The following ZKSCAN4 variants were observed in gnomAD, a reference collection of about 807,000 sequenced individuals.
The protein encoded by ZKSCAN4 is zinc finger with KRAB and SCAN domains 4.
A neutral mutation model predicts 30.8 loss-of-function variants in ZKSCAN4; 23 were observed. That is an observed-to-expected ratio of 0.75 (90% CI 0.54 to 1.06). ZKSCAN4 has a LOEUF of 1.06. ZKSCAN4 is among the 50% of genes least tolerant of loss of function. ZKSCAN4 has a pLI of 0.00. For missense variants in ZKSCAN4, 556 were observed against 665.4 expected, an observed-to-expected ratio of 0.84 and a Z score of 1.81; for synonymous variants, 208 against 252.5, an observed-to-expected ratio of 0.82 and a Z score of 1.67.
At chr6:28,255,840 G>A (rs1275224334), upstream of ZKSCAN4, among the ~76,000 whole-genome samples, 1 of 152,052 alleles carries the variant, frequency 6.6e-6, no homozygotes, top group Non-Finnish European at 1.5e-5. Flanking sequence ...AGTTGGATAA[G>A]GGAAAGGGGT....
At position 28,248,128 on chromosome 6, in the gene ZKSCAN4, G is replaced by T; in HGVS notation, c.593C>A (p.Ala198Asp). ...ATCTTCTCTGCAGCACCCTCCCTGG[G>T]CAAGCCCAGGAACCTGGAGAACTAA... is the stretch of plus-strand genomic sequence containing the variant. ...HDRVLQVPGLAQGGCCREDAM... is the reference protein window; with the variant it reads ...HDRVLQVPGLDQGGCCREDAM... The change falls in exon 3 of 5, where the codon GCC becomes GAC. Residue 198 changes from alanine (A) to aspartate (D), a missense_variant. Coordinates refer to ENST00000377294, the MANE Select transcript of ZKSCAN4 (RefSeq NM_019110.5). 1 of 1,613,512 alleles carries T rather than the reference G, an allele frequency of 6.2e-7. No individual in the cohort carries two copies. The highest frequency in any genetic ancestry group is 8.5e-7 in the Non-Finnish European group (1 of 1,179,690).
Position 28,244,716 on chromosome 6 carries a change from T to C in ZKSCAN4, c.*400A>G, listed in dbSNP as rs1760626773. The C allele has an allele frequency of 1.1e-5, 3 of 265,012 alleles. 1 individual carries two copies. In the South Asian group the frequency reaches 1.4e-4, roughly 12 times the overall value. The allele number at this position is 265,012 out of a possible 1,614,324, so 16.4% of individuals were successfully genotyped here. ...GCACAAAGAAGAGTAAAAGACCTCA[T>C]GGATCTGACCAATTTGTGAAAGATT... On this transcript the variant is annotated 3_prime_UTR_variant, in exon 5 of 5. Transcript: ENST00000377294.
At chr6:28,257,430 A>T in the ZKSCAN4 span, among the ~76,000 whole-genome samples, 1 of 152,168 alleles carries the variant, frequency 6.6e-6, no homozygotes, top group South Asian at 2.1e-4. Context: ...CAAATAGCTA[A>T]TGCATGTGGG....
At position 28,246,949 on chromosome 6, in the gene ZKSCAN4, A is replaced by C; in HGVS notation, c.778+20T>G. 1 of 1,596,076 alleles carries C rather than the reference A, an allele frequency of 6.3e-7. No homozygotes were observed. The highest frequency in any genetic ancestry group is 1.1e-5 in the South Asian group (1 of 87,784). ...AAGAATGCCAAGAAATCTTAAGACAAATTAGTGTCTCAGTCTTACCAAGGG... is the reference window on the plus strand; with the variant it reads ...AAGAATGCCAAGAAATCTTAAGACACATTAGTGTCTCAGTCTTACCAAGGG... On this transcript the variant is annotated intron_variant, in intron 4 of 4. Coordinates refer to ENST00000377294, the MANE Select transcript of ZKSCAN4 (RefSeq NM_019110.5).
Position 28,243,951 on chromosome 6 carries a change from C to A in ZKSCAN4, c.*1165G>T, listed in dbSNP as rs1164557028. On this transcript the variant is annotated 3_prime_UTR_variant, in exon 5 of 5. Transcript: ENST00000377294. ...AATTGCTGGGATTACAGGTGTAAGCCATGGCACCCAGCCTGAACAGATACA... is the reference window on the plus strand; with the variant it reads ...AATTGCTGGGATTACAGGTGTAAGCAATGGCACCCAGCCTGAACAGATACA... Among the ~76,000 whole-genome samples the A allele has an allele frequency of 6.6e-6, 1 of 152,186 alleles. No individual in the cohort carries two copies. The highest frequency in any genetic ancestry group is 1.5e-5 in the Non-Finnish European group (1 of 68,038).
chr6:28,247,544 G>C (rs1760791987), intron 3 of ZKSCAN4, among the ~76,000 whole-genome samples: 1 of 152,246 alleles, frequency 6.6e-6, no homozygotes, highest in Non-Finnish European at 1.5e-5. Flanking sequence ...AGCAGGACAG[G>C]AAAGGCTGAG....
chr6:28,257,668 A>C, the ZKSCAN4 span, among the ~76,000 whole-genome samples: 3 of 152,296 alleles, frequency 2.0e-5, no homozygotes, highest in African/African-American at 7.2e-5. Flanking sequence ...AATATCCTCA[A>C]TTTTGCCTCT....
At chr6:28,252,610 A>C (rs1054712426), upstream of ZKSCAN4, among the ~76,000 whole-genome samples, 1 of 152,178 alleles carries the variant, frequency 6.6e-6, no homozygotes, top group Admixed American at 6.5e-5. Flanking sequence ...AGTCTCTCTC[A>C]GAAACATCAA....
rs897404382 is a variant in ZKSCAN4 at position 28,244,041 on chromosome 6, T to C, written c.*1075A>G. On this transcript the variant is annotated 3_prime_UTR_variant, in exon 5 of 5. Transcript: ENST00000377294. ...GGCTGCCTCTAACCTGATCTTCCTGTCCCCAACTGACAGGGCAGTTTTGAA... is the reference window on the plus strand; with the variant it reads ...GGCTGCCTCTAACCTGATCTTCCTGCCCCCAACTGACAGGGCAGTTTTGAA... Among the ~76,000 whole-genome samples, 3 of 152,118 alleles carry C rather than the reference T, an allele frequency of 2.0e-5. No individual in the cohort carries two copies. The highest frequency in any genetic ancestry group is 4.4e-5 in the Non-Finnish European group (3 of 68,024).
rs914541544 is a variant in ZKSCAN4, at chr6:28,251,484, T to C, written c.423+74A>G. The C allele has an allele frequency of 1.2e-6, 2 of 1,611,928 alleles. No individual in the cohort carries two copies. Among genetic ancestry groups the C allele is most frequent in the Admixed American group, 3.3e-5 (2 of 59,732 alleles). On this transcript the variant is annotated intron_variant, in intron 1 of 4. Transcript: ENST00000377294. The surrounding 1 kb of genome is among the most constrained non-coding windows in gnomAD (Gnocchi z 4.5). ...GAAGAACTCCTGGACCTTAAAGGAA[T>C]GCCCCTCGCTCCGATCTGGGATTTC...
Position 28,248,047 on chromosome 6 carries a change from G to T in ZKSCAN4, c.654+20C>A, listed in dbSNP as rs1218218751. On this transcript the variant is annotated intron_variant, in intron 3 of 4. Coordinates refer to ENST00000377294, the MANE Select transcript of ZKSCAN4 (RefSeq NM_019110.5). ...GTGAAAGGTATGGGGCGCTGGGGAG[G>T]GAGAGGAGCTCCAGCTCACCTGGGA... The T allele has an allele frequency of 6.9e-6, 11 of 1,596,926 alleles. No individual in the cohort carries two copies. The African/African-American group carries it at 9.4e-5, about 14-fold the overall frequency.
At position 28,245,610 on chromosome 6, in the gene ZKSCAN4, CA is replaced by C; in HGVS notation, c.1143del (p.Cys381TrpfsTer68). 4 of 1,614,092 alleles carry C rather than the reference CA, an allele frequency of 2.5e-6. No homozygotes were observed. The highest frequency in any genetic ancestry group is 3.4e-6 in the Non-Finnish European group (4 of 1,179,970). On this transcript the variant is annotated frameshift_variant, in exon 5 of 5. Coordinates refer to ENST00000377294, the MANE Select transcript of ZKSCAN4 (RefSeq NM_019110.5). LOFTEE classifies it low-confidence loss of function (END_TRUNC). ...TGEKPYECEECGKVFSHSSNL... is the reference protein window; with the variant it reads ...TGEKPYECEEXGKVFSHSSNL... ...TTTGAGCTGTGACTGAAGACCTTAC[CA>C]CATTCTTCACACTCATATGGCTTCT...
rs1761020398 is a variant in ZKSCAN4, at chr6:28,251,911, T to A, written c.70A>T (p.Thr24Ser). Residue 24 changes from threonine to serine, a missense_variant, in exon 1 of 5, where the codon ACC becomes TCC. By Grantham distance (58) the Thr-to-Ser change is moderately conservative. This residue lies in a region of ZKSCAN4 where 115 missense variants were observed against 125.9 expected (regional missense o/e 0.91). Transcript: ENST00000377294. This position sits in a 1 kb window ranked among gnomAD's most constrained non-coding sequence, Gnocchi z 4.5. ...QSAEDQTGLL[T>S]VKVEKEEASA... ...GCTTCCTCCTTCTCCACCTTCACGG[T>A]CAGGAGCCCCGTCTGGTCTTCTGCA... 5 of 1,531,988 alleles carry A rather than the reference T, an allele frequency of 3.3e-6. No individual in the cohort carries two copies. Among genetic ancestry groups the A allele is most frequent in the Non-Finnish European group, 3.5e-6 (4 of 1,145,462 alleles). The allele number at this position is 1,531,988 out of a possible 1,614,324, so 94.9% of individuals were successfully genotyped here.
In ZKSCAN4 at chr6:28,242,865, A is replaced by T. The variant is rs1760545725; in HGVS notation, c.*2251T>A. Among the ~76,000 whole-genome samples the T allele has an allele frequency of 6.6e-6, 1 of 152,218 alleles. No individual in the cohort carries two copies. The highest frequency in any genetic ancestry group is 2.1e-4 in the South Asian group (1 of 4,834). ...AATATTTCCCTCCTCTACAGAGAAG[A>T]CTTTTAGGCTTGGAGGCGCAGGAGT... is the stretch of plus-strand genomic sequence containing the variant. On this transcript the variant is annotated 3_prime_UTR_variant, in exon 5 of 5. Coordinates refer to ENST00000377294, the MANE Select transcript of ZKSCAN4 (RefSeq NM_019110.5).
At chr6:28,256,500 A>C (rs1227444733), upstream of ZKSCAN4, among the ~76,000 whole-genome samples, 1 of 152,210 alleles carries the variant, frequency 6.6e-6, no homozygotes, top group Admixed American at 6.5e-5. Flanking sequence ...AATTTTAAGA[A>C]AGGTAGTAAA....
At chr6:28,252,569 G>A (rs1286846292), upstream of ZKSCAN4, among the ~76,000 whole-genome samples, 9 of 152,172 alleles carry the variant, frequency 5.9e-5, no homozygotes, top group African/African-American at 2.2e-4. Flanking sequence ...GGGTTCCCCA[G>A]AGCCCCAAGA....
intron 4 of ZKSCAN4, among the ~76,000 whole-genome samples, chr6:28,246,500 A>C (rs1293358705): frequency 6.6e-6 from 1 of 152,072 alleles, no homozygotes; most frequent in Non-Finnish European, 1.5e-5. Flanking sequence ...TAGAGCCCCC[A>C]CTGTGCCACA....
rs146732010 is a variant in ZKSCAN4, at chr6:28,243,561, A to C, written c.*1555T>G. 1.4e-3 allele frequency among the ~76,000 whole-genome samples: 209 copies of C among 152,296 alleles called. No individual in the cohort carries two copies. Among genetic ancestry groups the C allele is most frequent in the African/African-American group, 4.9e-3 (203 of 41,556 alleles). On this transcript the variant is annotated 3_prime_UTR_variant, in exon 5 of 5. Transcript: ENST00000377294. ...TTATTTCTTGTGAATAACTCACAGC[A>C]TTGAGCCTTGACATCACATATCAAC... is the stretch of plus-strand genomic sequence containing the variant.
chr6:28,249,694 G>T lies in ZKSCAN4; in HGVS notation c.564C>A (p.His188Gln), dbSNP rs759271938. 13 of 1,613,746 alleles carry T rather than the reference G, an allele frequency of 8.1e-6. No homozygotes were observed. The East Asian group carries it at 2.7e-4, about 33-fold the overall frequency. The change falls in exon 2 of 5, where the codon CAC (histidine) becomes CAA (glutamine). Residue 188 changes from histidine (H) to glutamine (Q), a missense_variant. This residue lies in a region of ZKSCAN4 where 433 missense variants were observed against 511.5 expected (regional missense o/e 0.85). Coordinates refer to ENST00000377294, the MANE Select transcript of ZKSCAN4 (RefSeq NM_019110.5). The surrounding 1 kb of genome is among the most constrained non-coding windows in gnomAD (Gnocchi z 4.1). ...CCAGAAGAGAATACTCACCTCTATC[G>T]TGTAAGGGCTGGGATCCCAGAGATT... Reference protein sequence around the residue: ...KHESLGSQPLHDRVLQVPGLA... With the variant: ...KHESLGSQPLQDRVLQVPGLA...
Sources: gnomAD v4.1 joint callset for allele counts (sites outside exome capture counted in the v4.1 genomes callset) on GRCh38, gnomAD v4.1.1 for gene constraint, gnomAD v4.1.1 regional missense constraint, Gnocchi (gnomAD v3.1) non-coding constraint, MANE v1.5 for transcripts, NCBI Gene and HGNC (gene_info 2026-07-23, HGNC 2026-07-21) for gene names.